Variants in CDT1 observed in about 807,000 individuals in gnomAD.
CDT1 encodes the protein chromatin licensing and DNA replication factor 1.
In CDT1, 66 loss-of-function variants were observed where a neutral mutation model predicts 49.3. That is an observed-to-expected ratio of 1.34 (90% CI 1.10 to 1.64). The LOEUF (loss-of-function observed/expected upper bound fraction) is 1.64, where lower values mean the gene tolerates loss of function less well. Ranked by LOEUF, CDT1 falls within the 40% of genes most tolerant of loss-of-function variation. The probability of loss-of-function intolerance (pLI) is 0.00; values close to 1 mark genes in which losing one functional copy is unlikely to be tolerated. For missense variants in CDT1, 958 were observed against 807.7 expected (o/e 1.19, Z -2.26); for synonymous variants, 424 against 347.4 (o/e 1.22, Z -2.45).
Position 88,805,652 on chromosome 16 carries a change from G to T in CDT1, c.686+15G>T. ...ATGATGCGTAGGTGAGTGGCCGGGG[G>T]TGGGCTGTGGCTGTCCTGGAGTTGG... On this transcript the variant is annotated intron_variant, in intron 4 of 9. Transcript: ENST00000301019. 1 of 1,612,570 alleles carries T rather than the reference G, an allele frequency of 6.2e-7. No individual in the cohort carries two copies. The highest frequency in any genetic ancestry group is 8.5e-7 in the Non-Finnish European group (1 of 1,179,956).
In CDT1 at chr16:88,806,054, C is replaced by G. The variant is rs775967677; in HGVS notation, c.866C>G (p.Ser289Trp). 6.3e-7 allele frequency: 1 copy of G among 1,598,322 alleles called. No individual in the cohort carries two copies. Among genetic ancestry groups the G allele is most frequent in the Non-Finnish European group, 8.5e-7 (1 of 1,176,000 alleles). ...GGAGCAGCCCCCCAGCTCACGGCCT[C>G]GCGCCTCCTGCAGCGACGGCAGATC... Reference protein sequence around the residue: ...ADGAAPQLTASRLLQRRQIFS... With the variant: ...ADGAAPQLTAWRLLQRRQIFS... The change falls in exon 6 of 10, where the codon TCG (serine) becomes TGG (tryptophan). Residue 289 changes from serine to tryptophan, a missense_variant. By Grantham distance (177) the Ser-to-Trp change is radical (BLOSUM62 -3). Transcript: ENST00000301019.
At position 88,805,557 on chromosome 16, in the gene CDT1, C is replaced by G. The variant is rs774947382; in HGVS notation, c.606C>G (p.Thr202=). 3 of 1,612,908 alleles carry G rather than the reference C, an allele frequency of 1.9e-6. No homozygotes were observed. Among genetic ancestry groups the G allele is most frequent in the East Asian group, 2.2e-5 (1 of 44,874 alleles). The part of the protein sequence containing the change: ...VLAEMFRSMD[T]IVGMLHNRSE... ...CGGAGATGTTCCGCAGCATGGACAC[C>G]ATCGTGGGCATGCTCCACAACCGCT... is the stretch of plus-strand genomic sequence containing the variant. The change falls in exon 4 of 10, where the codon ACC becomes ACG. Residue 202 remains threonine, a synonymous_variant. Coordinates refer to ENST00000301019, the MANE Select transcript of CDT1 (RefSeq NM_030928.4).
chr16:88,807,305 C>T lies in CDT1; in HGVS notation c.1300C>T (p.Gln434Ter). ...GATCCGAGCCAAGGAGGCACAGAAG[C>T]AGCTGGCACAGATGACGCGGTGCCC... The part of the protein sequence containing the change: ...ERIRAKEAQK[Q>*]LAQMTRCPEQ... Residue 434 changes from glutamine (Q) to a stop codon, truncating the protein, a stop_gained, in exon 9 of 10, where the codon CAG (glutamine) becomes TAG (stop). Coordinates refer to ENST00000301019, the MANE Select transcript of CDT1 (RefSeq NM_030928.4). LOFTEE classifies it high-confidence loss of function. 6.2e-7 allele frequency: 1 copy of T among 1,612,396 alleles called. No individual in the cohort carries two copies. Among genetic ancestry groups the T allele is most frequent in the African/African-American group, 1.3e-5 (1 of 75,054 alleles).
At position 88,807,101 on chromosome 16, in the gene CDT1, C is replaced by G. The variant is rs1486549030; in HGVS notation, c.1173C>G (p.Ser391Arg). The G allele has an allele frequency of 6.2e-7, 1 of 1,612,824 alleles. No homozygotes were observed. The highest frequency in any genetic ancestry group is 8.5e-7 in the Non-Finnish European group (1 of 1,179,964). ...CCCTGCGCTCTGCTGCGCCCAGCAG[C>G]CCCGGGTCTCCCAGGCCAGCACTGC... is the stretch of plus-strand genomic sequence containing the variant. ...QLALRSAAPS[S>R]PGSPRPALPA... Residue 391 changes from serine to arginine, a missense_variant, in exon 8 of 10, where the codon AGC (serine) becomes AGG (arginine). Ser to Arg is a moderately radical substitution (Grantham distance 110). Transcript: ENST00000301019.
chr16:88,808,122 G>A lies in CDT1; in HGVS notation c.1485G>A (p.Met495Ile), dbSNP rs779016173. 1 of 1,612,562 alleles carries A rather than the reference G, an allele frequency of 6.2e-7. No homozygotes were observed. Among genetic ancestry groups the A allele is most frequent in the East Asian group, 2.2e-5 (1 of 44,874 alleles). Residue 495 changes from methionine to isoleucine, a missense_variant, in exon 10 of 10, where the codon ATG (methionine) becomes ATA (isoleucine). Met to Ile is a conservative substitution (Grantham distance 10, BLOSUM62 1). Coordinates refer to ENST00000301019, the MANE Select transcript of CDT1 (RefSeq NM_030928.4). Reference sequence around the variant, plus strand: ...CCTCCTCTCCTCCCCCAGGGGAAATGGAGAAGCACCTGCTGCTCCTCTCCG... The same window carrying A: ...CCTCCTCTCCTCCCCCAGGGGAAATAGAGAAGCACCTGCTGCTCCTCTCCG... ...SCCTIMSPGE[M>I]EKHLLLLSEL...
chr16:88,806,660 CTGA>C lies in CDT1; in HGVS notation c.1110_1112del (p.Ile371del), dbSNP rs1908868952. On this transcript the variant is annotated inframe_deletion, in exon 7 of 10. Coordinates refer to ENST00000301019, the MANE Select transcript of CDT1 (RefSeq NM_030928.4). ...GGAGGTGCTGGCCCGGGCCCGCAAC[CTGA>C]TTTCACCCAGGGTGAGACTGCGAGG... 1 of 1,608,626 alleles carries C rather than the reference CTGA, an allele frequency of 6.2e-7. No individual in the cohort carries two copies. The highest frequency in any genetic ancestry group is 8.5e-7 in the Non-Finnish European group (1 of 1,178,750).
rs1195437497 is a variant in CDT1, at chr16:88,808,230, C to T, written c.1593C>T (p.His531=). The T allele has an allele frequency of 5.0e-6, 8 of 1,606,882 alleles. No homozygotes were observed. The highest frequency in any genetic ancestry group is 6.8e-6 in the Non-Finnish European group (8 of 1,177,392). ...TGGACAAGGCCGCGGACCTCGCCCA[C>T]ATCACTGCACGCCTGGCCCACCAGA... The part of the protein sequence containing the change: ...VKLDKAADLA[H]ITARLAHQTR... Residue 531 remains histidine (H), a synonymous_variant, in exon 10 of 10, where the codon CAC becomes CAT. Transcript: ENST00000301019.
rs1320586110 is a variant in CDT1, at chr16:88,804,654, C to T, written c.338C>T (p.Ser113Phe). The T allele has an allele frequency of 6.2e-6, 10 of 1,612,444 alleles. No individual in the cohort carries two copies. Among genetic ancestry groups the T allele is most frequent in the African/African-American group, 2.7e-5 (2 of 74,912 alleles). Residue 113 changes from serine to phenylalanine, a missense_variant, in exon 2 of 10, where the codon TCC becomes TTC. Physicochemically the swap from Ser to Phe is radical, Grantham distance 155 (BLOSUM62 -2). Transcript: ENST00000301019. ...GCAGGTCAGCCGCCCCACCTGACAT[C>T]CGCGCAGGACCAGGTGAGGGGCGGG... is the stretch of plus-strand genomic sequence containing the variant. ...PAAGQPPHLT[S>F]AQDQDTISEL...
chr16:88,803,986 G>T lies in CDT1; in HGVS notation c.155G>T (p.Arg52Leu), dbSNP rs1486713182. The change falls in exon 1 of 10, where the codon CGC becomes CTC. Residue 52 changes from arginine (R) to leucine (L), a missense_variant. Transcript: ENST00000301019. ...SATSGSRKRA[R>L]PPAAPGRDQA... ...ACCAGTGGCAGCCGCAAGCGCGCCC[G>T]CCCGCCCGCCGCCCCCGGACGCGAC... 1.4e-6 allele frequency: 2 copies of T among 1,445,354 alleles called. No individual in the cohort carries two copies. The highest frequency in any genetic ancestry group is 9.1e-7 in the Non-Finnish European group (1 of 1,104,178). 89.5% of individuals were successfully genotyped at this position (1,445,354 alleles called of 1,614,324 possible).
chr16:88,804,615 AAT>A lies in CDT1; in HGVS notation c.300_301del (p.Lys100AsnfsTer22). ...CCTTCTCCGGGCCAGAAGATAAAGAAATCCACCCCGGCAGCAGGTCAGCCGCC... is the reference window on the plus strand; with the variant it reads ...CCTTCTCCGGGCCAGAAGATAAAGAACCACCCCGGCAGCAGGTCAGCCGCC... On this transcript the variant is annotated frameshift_variant, in exon 2 of 10. Coordinates refer to ENST00000301019, the MANE Select transcript of CDT1 (RefSeq NM_030928.4). LOFTEE classifies it high-confidence loss of function. The A allele has an allele frequency of 1.2e-6, 2 of 1,612,788 alleles. No individual in the cohort carries two copies. Among genetic ancestry groups the A allele is most frequent in the Non-Finnish European group, 1.7e-6 (2 of 1,179,840 alleles).
intron 2 of CDT1, 25 bp from the exon 3 acceptor site, chr16:88,804,737 A>T (rs770155263): frequency 1.2e-6 from 2 of 1,612,736 alleles, no homozygotes; most frequent in South Asian, 2.2e-5. Flanking sequence ...GCCTGACGGC[A>T]CCGTGTCCCC....
chr16:88,804,225 C>T (rs1908758647), intron 1 of CDT1, among the ~76,000 whole-genome samples, 166 bp downstream of exon 1: 1 of 152,098 alleles, frequency 6.6e-6, no homozygotes, highest in Admixed American at 6.5e-5. Context: ...TGGGGGCGCC[C>T]TGCCACCACT....
At chr16:88,804,456 C>G (rs1908767191) in intron 1 of CDT1, 89 bp from the exon 2 acceptor site, 1 of 1,527,834 alleles carries the variant, frequency 6.5e-7, no homozygotes, top group Non-Finnish European at 8.9e-7. Flanking sequence ...CCAGTTAACT[C>G]AGAGCGGCTT....
intron 2 of CDT1, 46 bp downstream of exon 2, chr16:88,804,713 C>CGGCCTGCCTGCCTGCCT: frequency 1.2e-6 from 2 of 1,612,274 alleles, no homozygotes; most frequent in Non-Finnish European, 1.7e-6. Flanking sequence ...TGAGTGGTGC[C>CGGCCTGCCTGCCTGCCT]GGCCTGCCTG....
In CDT1 at chr16:88,807,176, G is replaced by A; in HGVS notation, c.1248G>A (p.Lys416=). The change falls in exon 8 of 10, where the codon AAG becomes AAA. Residue 416 remains lysine, a synonymous_variant. Transcript: ENST00000301019. ...CTGCAGCCTCTCCCAGTGCTCTGAA[G>A]GGGGTGTCCCAGGATCTGCTGGAGC... ...TPPAASPSAL[K]GVSQDLLERI... is the part of the protein sequence containing the mutation. 6.2e-7 allele frequency: 1 copy of A among 1,612,470 alleles called. No individual in the cohort carries two copies. The highest frequency in any genetic ancestry group is 8.5e-7 in the Non-Finnish European group (1 of 1,179,824).
rs200300950 is a variant in CDT1, at chr16:88,807,070, A to G, written c.1142A>G (p.Gln381Arg). Residue 381 changes from glutamine to arginine, a missense_variant, in exon 8 of 10, where the codon CAA (glutamine) becomes CGA (arginine). Transcript: ENST00000301019. ...ISPRMEKALS[Q>R]LALRSAAPSS... ...CCGCAGATGGAGAAGGCCTTGAGTC[A>G]ATTGGCCCTGCGCTCTGCTGCGCCC... 1.3e-5 allele frequency: 21 copies of G among 1,612,870 alleles called. No homozygotes were observed. The highest frequency in any genetic ancestry group is 1.8e-5 in the Non-Finnish European group (21 of 1,179,956).
chr16:88,807,071 AT>A lies in CDT1; in HGVS notation c.1145del (p.Leu382TrpfsTer34), dbSNP rs2142945512. 6.2e-7 allele frequency: 1 copy of A among 1,612,888 alleles called. No homozygotes were observed. Among genetic ancestry groups the A allele is most frequent in the East Asian group, 2.2e-5 (1 of 44,880 alleles). The stretch of plus-strand genomic sequence containing the variant: ...CGCAGATGGAGAAGGCCTTGAGTCA[AT>A]TGGCCCTGCGCTCTGCTGCGCCCAG... ...SPRMEKALSQLALRSAAPSSP... is the reference protein window; with the variant it reads ...SPRMEKALSQXALRSAAPSSP... On this transcript the variant is annotated frameshift_variant, in exon 8 of 10. Coordinates refer to ENST00000301019, the MANE Select transcript of CDT1 (RefSeq NM_030928.4). LOFTEE classifies it high-confidence loss of function.
chr16:88,807,711 C>T (rs902232102), intron 9 of CDT1, among the ~76,000 whole-genome samples: 1 of 152,208 alleles, frequency 6.6e-6, no homozygotes, highest in Non-Finnish European at 1.5e-5. Context: ...GCAGCTTCCC[C>T]CTCACAGCTC....
rs939023135 is a variant in CDT1 at position 88,803,996 on chromosome 16, C to A, written c.165C>A (p.Ala55=). 1.9e-5 allele frequency: 28 copies of A among 1,450,990 alleles called. No homozygotes were observed. The highest frequency in any genetic ancestry group is 2.5e-5 in the Non-Finnish European group (28 of 1,107,578). 89.9% of individuals were successfully genotyped at this position (1,450,990 alleles called of 1,614,324 possible). The change falls in exon 1 of 10, where the codon GCC becomes GCA. Residue 55 remains alanine (A), a synonymous_variant. Coordinates refer to ENST00000301019, the MANE Select transcript of CDT1 (RefSeq NM_030928.4). ...GCCGCAAGCGCGCCCGCCCGCCCGC[C>A]GCCCCCGGACGCGACCAGGCCAGGC... is the stretch of plus-strand genomic sequence containing the variant. ...SGSRKRARPP[A]APGRDQARPP...
Sources: allele counts gnomAD v4.1 joint callset (sites outside exome capture counted in the v4.1 genomes callset), GRCh38; gene constraint gnomAD v4.1.1; transcripts MANE v1.5; gene names NCBI Gene and HGNC (gene_info 2026-07-23, HGNC 2026-07-21).